Variants in ADAMTS9 observed in about 807,000 individuals in gnomAD.
ADAMTS9 encodes the protein ADAM metallopeptidase with thrombospondin type 1 motif 9.
ADAMTS9 carries 107 observed loss-of-function variants against 257.1 expected under a neutral mutation model. The ratio of observed to expected loss-of-function variants is 0.42; its 90% CI spans 0.36 to 0.49. ADAMTS9 has a LOEUF of 0.49. ADAMTS9 is among the 20% of genes least tolerant of loss of function. The pLI, the probability that ADAMTS9 is intolerant of heterozygous loss-of-function variation, is 0.03. For missense variants in ADAMTS9, 2,353 were observed against 2,469.1 expected, an observed-to-expected ratio of 0.95 and a Z score of 1.00; for synonymous variants, 982 against 880.9, an observed-to-expected ratio of 1.11 and a Z score of -2.03.
At position 64,522,202 on chromosome 3, in the gene ADAMTS9, G is replaced by A; in HGVS notation, c.5777C>T (p.Ser1926Phe). The A allele has an allele frequency of 6.2e-7, 1 of 1,614,066 alleles. No individual in the cohort carries two copies. Among genetic ancestry groups the A allele is most frequent in the Non-Finnish European group, 8.5e-7 (1 of 1,179,944 alleles). ...GGYCGKCTPS[S>F]GTGLEVRVL ...AACTCGCACCTCCAGGCCAGTACCA[G>A]AGGATGGAGTGCATTTTCCACAGTA... The change falls in exon 39 of 40, where the codon TCT becomes TTT. Residue 1926 changes from serine (S) to phenylalanine (F), a missense_variant. Around this residue, in one of 3 missense-constraint regions of ADAMTS9, gnomAD observed 1,402 missense variants for 1,441.4 expected, o/e 0.97. Transcript: ENST00000498707.
rs536692161 is a variant in ADAMTS9 at position 64,657,826 on chromosome 3, A to G, written c.969+676T>C. On this transcript the variant is annotated intron_variant, in intron 4 of 39. Coordinates refer to ENST00000498707, the MANE Select transcript of ADAMTS9 (RefSeq NM_182920.2). Reference sequence around the variant, plus strand: ...ACTGGGAAGGGGCCTGGAAGTCTGCATAGAGAATGATACTTAGTTTTTAAC... The same window carrying G: ...ACTGGGAAGGGGCCTGGAAGTCTGCGTAGAGAATGATACTTAGTTTTTAAC... Among the ~76,000 whole-genome samples, 147 of 152,186 alleles carry G rather than the reference A, an allele frequency of 9.7e-4. 2 individuals carry two copies. Among genetic ancestry groups the G allele is most frequent in the Non-Finnish European group, 1.8e-3 (124 of 68,036 alleles).
chr3:64,664,546 G>T (rs916913953), intron 3 of ADAMTS9, among the ~76,000 whole-genome samples: 12 of 152,110 alleles, frequency 7.9e-5, no homozygotes, highest in African/African-American at 2.9e-4. Context: ...TTCTGTGACT[G>T]GCTTCTTTCA....
At chr3:64,633,237 C>A (rs377649884) in intron 14 of ADAMTS9, among the ~76,000 whole-genome samples, 110 of 152,214 alleles carry the variant, frequency 7.2e-4, no homozygotes, top group African/African-American at 2.4e-3. Flanking sequence ...TGCAAGACCC[C>A]CACAGAGACT....
In ADAMTS9 at chr3:64,591,561, T is replaced by G. The variant is rs1281291299; in HGVS notation, c.4356+2697A>C. Among the ~76,000 whole-genome samples the G allele has an allele frequency of 3.3e-5, 5 of 152,318 alleles. No individual in the cohort carries two copies. In the East Asian group the frequency reaches 9.6e-4, roughly 29 times the overall value. ...GGATATTTCTCACCATCATGATTCTTAAATCCGCAATGACTTGAGCCAGAA... is the reference window on the plus strand; with the variant it reads ...GGATATTTCTCACCATCATGATTCTGAAATCCGCAATGACTTGAGCCAGAA... On this transcript the variant is annotated intron_variant, in intron 28 of 39. Transcript: ENST00000498707.
chr3:64,582,214 A>T (rs1357391046), intron 28 of ADAMTS9, among the ~76,000 whole-genome samples: 1 of 152,170 alleles, frequency 6.6e-6, no homozygotes, highest in Non-Finnish European at 1.5e-5. Context: ...AGGTGCGAGG[A>T]GGTAGAACTG....
chr3:64,529,982 A>T (rs1474178016), intron 38 of ADAMTS9, among the ~76,000 whole-genome samples: 15 of 106,488 alleles, frequency 1.4e-4, no homozygotes, highest in East Asian at 5.7e-4. Context: ...CAGTTATTTA[A>T]TTTTTTTTTT....
intron 30 of ADAMTS9, among the ~76,000 whole-genome samples, chr3:64,559,877 G>A (rs1021673065): frequency 2.0e-5 from 3 of 152,162 alleles, no homozygotes; most frequent in Non-Finnish European, 2.9e-5. Flanking sequence ...CTTACTTTCC[G>A]CTCCTCGGAG....
At chr3:64,615,164 G>A in intron 21 of ADAMTS9, 157 bp downstream of exon 21, 10 of 863,362 alleles carry the variant, frequency 1.2e-5, no homozygotes, top group Middle Eastern at 2.5e-4. Context: ...GACAGTCATG[G>A]TGCAGGCAGA....
intron 38 of ADAMTS9, among the ~76,000 whole-genome samples, chr3:64,526,095 A>C (rs923764544): frequency 1.4e-5 from 2 of 147,630 alleles, no homozygotes; most frequent in Admixed American, 1.4e-4. Context: ...AATACAATAT[A>C]TAGTATATAT....
At position 64,655,550 on chromosome 3, in the gene ADAMTS9, A is replaced by G. The variant is rs180962057; in HGVS notation, c.1169+26T>C. 1.1e-3 allele frequency: 1,653 copies of G among 1,561,690 alleles called. 19 individuals carry two copies. The Admixed American group carries it at 0.021, about 20-fold the overall frequency. ...CATCAACTTGACCTGAGACTGAAAGATCTGAGGAATAAGAAATCCATATAC... is the reference window on the plus strand; with the variant it reads ...CATCAACTTGACCTGAGACTGAAAGGTCTGAGGAATAAGAAATCCATATAC... On this transcript the variant is annotated intron_variant, in intron 6 of 39. Coordinates refer to ENST00000498707, the MANE Select transcript of ADAMTS9 (RefSeq NM_182920.2).
intron 26 of ADAMTS9, among the ~76,000 whole-genome samples, chr3:64,601,727 C>T (rs1161237920): frequency 6.6e-6 from 1 of 152,128 alleles, no homozygotes; most frequent in East Asian, 1.9e-4. Context: ...TATCCCCTTT[C>T]TCCACCCAAT....
At chr3:64,525,864 C>T (rs1404123194) in intron 38 of ADAMTS9, among the ~76,000 whole-genome samples, 1 of 151,320 alleles carries the variant, frequency 6.6e-6, no homozygotes, top group South Asian at 2.1e-4. Flanking sequence ...GCTGAGATTA[C>T]AGGCGTAAGC....
At chr3:64,605,954 T>C (rs553348125) in intron 23 of ADAMTS9, among the ~76,000 whole-genome samples, 2 of 152,364 alleles carry the variant, frequency 1.3e-5, no homozygotes, top group African/African-American at 4.8e-5. Flanking sequence ...TTTGTTGATT[T>C]TTGCTGAACT....
At chr3:64,648,852 C>T (rs572806686) in intron 10 of ADAMTS9, among the ~76,000 whole-genome samples, 1 of 152,234 alleles carries the variant, frequency 6.6e-6, no homozygotes, top group South Asian at 2.1e-4. Flanking sequence ...TCAATGACTC[C>T]TAATTTTTCC....
chr3:64,624,517 C>G (rs1042772126), intron 16 of ADAMTS9, among the ~76,000 whole-genome samples: 4 of 152,092 alleles, frequency 2.6e-5, no homozygotes, highest in Non-Finnish European at 1.5e-5. Context: ...GAGGATGAGA[C>G]AACAGCTGCT....
rs1680236507 is a variant in ADAMTS9 at position 64,542,346 on chromosome 3, G to T, written c.5065-376C>A. On this transcript the variant is annotated intron_variant, in intron 32 of 39. Transcript: ENST00000498707. ...GCTCAAATTTAAGGAATTTGTTCAA[G>T]GTCATAGTGGAGCCAGGATTCAAAC... Among the ~76,000 whole-genome samples, 6 of 151,992 alleles carry T rather than the reference G, an allele frequency of 3.9e-5. No homozygotes were observed. The South Asian group carries it at 1.2e-3, about 32-fold the overall frequency.
intron 39 of ADAMTS9, among the ~76,000 whole-genome samples, chr3:64,517,426 T>TTTTTTTTTTTTTTG (rs2082793138): frequency 7.8e-6 from 1 of 128,152 alleles, no homozygotes; most frequent in Non-Finnish European, 1.7e-5. Context: ...GTTTTTTTTT[T>TTTTTTTTTTTTTTG]TTTTTTTTTT....
chr3:64,648,483 C>T (rs1309762104), intron 10 of ADAMTS9, among the ~76,000 whole-genome samples: 3 of 152,198 alleles, frequency 2.0e-5, no homozygotes, highest in Admixed American at 6.5e-5. Context: ...TTGCTTTCTT[C>T]CTCCTCTAAA....
intron 12 of ADAMTS9, among the ~76,000 whole-genome samples, chr3:64,635,464 A>G (rs936080168): frequency 1.3e-5 from 2 of 152,230 alleles, no homozygotes; most frequent in African/African-American, 4.8e-5. Context: ...AGGGATGTAA[A>G]ATGGCACATA....
Sources: allele counts gnomAD v4.1 joint callset (sites outside exome capture counted in the v4.1 genomes callset), GRCh38; gene constraint gnomAD v4.1.1; regional missense constraint gnomAD v4.1.1; transcripts MANE v1.5; gene names NCBI Gene and HGNC (gene_info 2026-07-23, HGNC 2026-07-21).